The following NAPG variants were observed in gnomAD, a reference collection of about 807,000 sequenced individuals.
The protein encoded by NAPG is gamma-soluble NSF attachment protein.
In NAPG, 25 loss-of-function variants were observed where a neutral mutation model predicts 48.4. That is an observed-to-expected ratio of 0.52 (90% confidence interval 0.38 to 0.72). The LOEUF (loss-of-function observed/expected upper bound fraction) is 0.72, where lower values mean the gene tolerates loss of function less well. NAPG is among the 30% of genes least tolerant of loss of function. NAPG has a pLI of 0.00. For missense variants in NAPG, 359 were observed against 372.5 expected (o/e 0.96, Z 0.30); for synonymous variants, 139 against 127.2 (o/e 1.09, Z -0.62).
At chr18:10,549,553 A>G (rs2032342978) in intron 11 of NAPG, among the ~76,000 whole-genome samples, 1 of 152,242 alleles carries the variant, frequency 6.6e-6, no homozygotes, top group Admixed American at 6.5e-5. Flanking sequence ...TGTAAAAATG[A>G]AGCCACTAGT....
intron 1 of NAPG, 153 bp downstream of exon 1, chr18:10,526,311 C>T (rs1391645742): frequency 8.5e-6 from 6 of 707,876 alleles, no homozygotes; most frequent in African/African-American, 1.8e-5. Flanking sequence ...TCGGTGTCCT[C>T]TGGGTCACAC....
chr18:10,526,232 G>GC, intron 1 of NAPG, 74 bp downstream of exon 1: 1 of 939,682 alleles, frequency 1.1e-6, no homozygotes, highest in East Asian at 2.9e-5. Flanking sequence ...TTAGCACCCG[G>GC]GGGGGGCGGG....
chr18:10,532,625 A>C (rs1019295187), intron 2 of NAPG, 86 bp from the exon 3 acceptor site: 13 of 1,007,056 alleles, frequency 1.3e-5, no homozygotes, highest in East Asian at 2.6e-5. Flanking sequence ...GTATGTTTAT[A>C]ATACTTCATA....
At chr18:10,540,696 A>T (rs2032137359) in intron 8 of NAPG, 1 of 254,380 alleles carries the variant, frequency 3.9e-6, no homozygotes, top group Non-Finnish European at 7.4e-6. Flanking sequence ...ACTTGGTTGG[A>T]TTATAATATC....
chr18:10,527,432 C>T (rs2031842280), intron 1 of NAPG, among the ~76,000 whole-genome samples: 1 of 152,158 alleles, frequency 6.6e-6, no homozygotes, highest in Admixed American at 6.5e-5. Flanking sequence ...TGACTCGAGG[C>T]AGTCAGCGTG....
At position 10,526,419 on chromosome 18, in the gene NAPG, G is replaced by A. The variant is rs551385310; in HGVS notation, c.56+261G>A. 93 of 501,500 alleles carry A rather than the reference G, an allele frequency of 1.9e-4. 3 individuals carry two copies. The South Asian group carries it at 2.1e-3, about 11-fold the overall frequency. The allele number at this position is 501,500 out of a possible 1,614,324, so 31.1% of individuals were successfully genotyped here. A position where few individuals can be genotyped will look rare whatever the true frequency, so the allele number is the denominator to read the frequency against. On this transcript the variant is annotated intron_variant, in intron 1 of 11. Coordinates refer to ENST00000322897, the MANE Select transcript of NAPG (RefSeq NM_003826.3). ...CAGAGCCGGTGTGGGCGGGGACTCG[G>A]CGCAGTGCTGCGGGGCGAGGGCTTC...
Position 10,534,424 on chromosome 18 carries a change from T to C in NAPG, c.228-42T>C, listed in dbSNP as rs2031991284. On this transcript the variant is annotated intron_variant, in intron 4 of 11. Coordinates refer to ENST00000322897, the MANE Select transcript of NAPG (RefSeq NM_003826.3). The surrounding 1 kb of genome is among the most constrained non-coding windows in gnomAD (Gnocchi z 5.0). ...ACCAGAAAGTTTCTTCTACCCCTTATTTCGTTAAGATCTCATCAGAGAAAT... is the reference window on the plus strand; with the variant it reads ...ACCAGAAAGTTTCTTCTACCCCTTACTTCGTTAAGATCTCATCAGAGAAAT... 1.9e-6 allele frequency: 3 copies of C among 1,602,350 alleles called. No homozygotes were observed. Among genetic ancestry groups the C allele is most frequent in the Admixed American group, 1.7e-5 (1 of 59,556 alleles).
chr18:10,537,592 G>GT (rs1567890452), intron 5 of NAPG, among the ~76,000 whole-genome samples: 1 of 152,130 alleles, frequency 6.6e-6, no homozygotes, highest in Non-Finnish European at 1.5e-5. Context: ...GCTGTTCAAG[G>GT]TTCAGTTGTA....
At chr18:10,537,553 A>G (rs1329283068) in intron 5 of NAPG, among the ~76,000 whole-genome samples, 1 of 152,156 alleles carries the variant, frequency 6.6e-6, no homozygotes, top group Non-Finnish European at 1.5e-5. Context: ...CAGTCTGCGT[A>G]TAATTGGACC....
At position 10,548,707 on chromosome 18, in the gene NAPG, G is replaced by C. The variant is rs981924499; in HGVS notation, c.666-260G>C. Among the ~76,000 whole-genome samples the C allele has an allele frequency of 1.1e-4, 17 of 151,898 alleles. No homozygotes were observed. The highest frequency in any genetic ancestry group is 1.5e-5 in the Non-Finnish European group (1 of 67,980). ...AGAAATCAAAATGAGGAATTTTCTC[G>C]GTGTTTAACATGAGCAGTCTTAATC... On this transcript the variant is annotated intron_variant, in intron 10 of 11. Transcript: ENST00000322897. The surrounding 1 kb of genome is among the most constrained non-coding windows in gnomAD (Gnocchi z 4.4).
chr18:10,530,713 G>T, intron 1 of NAPG, 57 bp from the exon 2 acceptor site: 21 of 1,033,106 alleles, frequency 2.0e-5, no homozygotes, highest in Admixed American at 3.2e-5. Context: ...TACAAGCAGA[G>T]ATCTGACTTA....
rs2032260538 is a variant in NAPG, at chr18:10,546,114, C to G, written c.507-212C>G. Among the ~76,000 whole-genome samples the G allele has an allele frequency of 6.6e-6, 1 of 152,148 alleles. No individual in the cohort carries two copies. The highest frequency in any genetic ancestry group is 6.5e-5 in the Admixed American group (1 of 15,278). ...CCATCCTTGAGTTCTTTTGCTTTTTCTGTCAGCGTGCAGCCTGAAAGTGGG... is the reference window on the plus strand; with the variant it reads ...CCATCCTTGAGTTCTTTTGCTTTTTGTGTCAGCGTGCAGCCTGAAAGTGGG... On this transcript the variant is annotated intron_variant, in intron 8 of 11. Coordinates refer to ENST00000322897, the MANE Select transcript of NAPG (RefSeq NM_003826.3). The surrounding 1 kb of genome is among the most constrained non-coding windows in gnomAD (Gnocchi z 4.0).
intron 3 of NAPG, 141 bp downstream of exon 3, chr18:10,532,936 T>TTTTTTTTTTTTG (rs2143099709): frequency 1.3e-6 from 1 of 779,796 alleles, no homozygotes; most frequent in East Asian, 2.7e-5. Flanking sequence ...TCTGTATTTT[T>TTTTTTTTTTTTG]AAACTATGAA....
At chr18:10,540,165 G>C in intron 7 of NAPG, 111 bp downstream of exon 7, 1 of 1,079,456 alleles carries the variant, frequency 9.3e-7, no homozygotes, top group Non-Finnish European at 1.3e-6. Context: ...CCTGCTCACA[G>C]TTGCACGCTA....
chr18:10,526,151 G>C lies in NAPG; in HGVS notation c.49G>C (p.Glu17Gln). ...GGGGCTGGAACACCTCGCCAAAGCA[G>C]AGAAATAGTGAGTGAGAACCTTCCG... ...NEGLEHLAKA[E>Q]KYLKTGFLKW... The change falls in exon 1 of 12, where the codon GAG (glutamate) becomes CAG (glutamine). Residue 17 changes from glutamate to glutamine, a missense_variant. Physicochemically the swap from Glu to Gln is conservative, Grantham distance 29 (BLOSUM62 2). Coordinates refer to ENST00000322897, the MANE Select transcript of NAPG (RefSeq NM_003826.3). 1 of 1,591,454 alleles carries C rather than the reference G, an allele frequency of 6.3e-7. No homozygotes were observed. Among genetic ancestry groups the C allele is most frequent in the African/African-American group, 1.3e-5 (1 of 74,324 alleles).
intron 8 of NAPG, among the ~76,000 whole-genome samples, chr18:10,540,932 A>T (rs191826289): frequency 6.7e-6 from 1 of 149,794 alleles, no homozygotes; most frequent in South Asian, 2.1e-4. Context: ...TTAGTAAACA[A>T]TTTTTTTCAT....
rs375758372 is a variant in NAPG, at chr18:10,539,299, A to G, written c.259-463A>G. On this transcript the variant is annotated intron_variant, in intron 5 of 11. Transcript: ENST00000322897. The surrounding 1 kb of genome is among the most constrained non-coding windows in gnomAD (Gnocchi z 4.7). ...ATAGACTGGATAAAGAAAATGTGGT[A>G]CATATACACCATGGAATACTATGCA... 6.2e-6 allele frequency: 1 copy of G among 160,780 alleles called. No individual in the cohort carries two copies. Among genetic ancestry groups the G allele is most frequent in the East Asian group, 1.8e-4 (1 of 5,574 alleles). The allele number at this position is 160,780 out of a possible 1,614,324, so 10.0% of individuals were successfully genotyped here.
chr18:10,541,328 A>G (rs2032152740), intron 8 of NAPG, among the ~76,000 whole-genome samples: 1 of 152,200 alleles, frequency 6.6e-6, no homozygotes, highest in South Asian at 2.1e-4. Context: ...GACTTTAATC[A>G]TGAAGGAAAG....
intron 8 of NAPG, among the ~76,000 whole-genome samples, chr18:10,545,773 A>T (rs1451646010): frequency 3.3e-5 from 5 of 152,242 alleles, no homozygotes; most frequent in African/African-American, 1.2e-4. Flanking sequence ...ATGAGGGTCA[A>T]TGGAAAAGAT....
Sources: allele counts gnomAD v4.1 joint callset (sites outside exome capture counted in the v4.1 genomes callset), GRCh38; gene constraint gnomAD v4.1.1; non-coding constraint Gnocchi (gnomAD v3.1); transcripts MANE v1.5; gene names NCBI Gene and HGNC (gene_info 2026-07-23, HGNC 2026-07-21).